The following ARHGAP26 variants were observed in gnomAD, a reference collection of about 807,000 sequenced individuals.
ARHGAP26 encodes rho GTPase-activating protein 26.
Under a neutral mutation model 104.8 loss-of-function variants are expected in ARHGAP26, and 38 were observed. The ratio of observed to expected loss-of-function variants is 0.36; its 90% CI spans 0.28 to 0.48. The LOEUF (loss-of-function observed/expected upper bound fraction) is 0.48, where lower values mean the gene tolerates loss of function less well. ARHGAP26 is among the 20% of genes least tolerant of loss of function. The probability of loss-of-function intolerance (pLI) is 0.99; values close to 1 mark genes in which losing one functional copy is unlikely to be tolerated. For synonymous variants in ARHGAP26, 341 were observed against 340.0 expected, an observed-to-expected ratio of 1.00 and a Z score of -0.03; for missense variants, 704 against 947.9, an observed-to-expected ratio of 0.74 and a Z score of 3.38.
At chr5:142,775,461 C>T (rs71587236) in intron 1 of ARHGAP26, among the ~76,000 whole-genome samples, 90 of 152,186 alleles carry the variant, frequency 5.9e-4, no homozygotes, top group Admixed American at 2.0e-3. Context: ...TTCTCTTTGT[C>T]GAGGTTTGTT....
chr5:143,044,312 C>T (rs1477029978), intron 14 of ARHGAP26, among the ~76,000 whole-genome samples: 2 of 152,096 alleles, frequency 1.3e-5, no homozygotes, highest in Non-Finnish European at 1.5e-5. Flanking sequence ...CTTCTTCTGG[C>T]TTCTCATGTT....
At chr5:143,085,526 G>A (rs891478837) in intron 17 of ARHGAP26, among the ~76,000 whole-genome samples, 7 of 152,142 alleles carry the variant, frequency 4.6e-5, no homozygotes, top group Admixed American at 2.0e-4. Context: ...AGGAGAACGC[G>A]ACAGAGGCAA....
chr5:142,938,057 A>G (rs575418176), intron 11 of ARHGAP26, among the ~76,000 whole-genome samples: 65 of 152,218 alleles, frequency 4.3e-4, no homozygotes, highest in Non-Finnish European at 5.9e-4. Context: ...ACACAGATGA[A>G]CTCATGTCAA....
intron 11 of ARHGAP26, among the ~76,000 whole-genome samples, chr5:142,982,015 A>G (rs186426787): frequency 3.3e-4 from 50 of 152,366 alleles, no homozygotes; most frequent in Admixed American, 2.1e-3. Context: ...TTTGACCTCA[A>G]GCTGCTTTTT....
At chr5:142,959,575 C>T (rs1466900871) in intron 11 of ARHGAP26, among the ~76,000 whole-genome samples, 1 of 152,224 alleles carries the variant, frequency 6.6e-6, no homozygotes, top group Non-Finnish European at 1.5e-5. Flanking sequence ...CGCCATGTTC[C>T]TCCTCTTGAG....
At chr5:142,811,935 T>C (rs946277720) in intron 1 of ARHGAP26, among the ~76,000 whole-genome samples, 1 of 152,220 alleles carries the variant, frequency 6.6e-6, no homozygotes, top group Non-Finnish European at 1.5e-5. Context: ...GAACCTCTTA[T>C]GGCTTGCAGC....
At chr5:142,812,546 C>T (rs1294992829) in intron 1 of ARHGAP26, among the ~76,000 whole-genome samples, 1 of 152,026 alleles carries the variant, frequency 6.6e-6, no homozygotes, top group African/African-American at 2.4e-5. Flanking sequence ...CCATGTTGGC[C>T]AGGCTGGTCT....
chr5:143,066,292 G>A (rs1787469910), intron 17 of ARHGAP26, among the ~76,000 whole-genome samples: 1 of 152,190 alleles, frequency 6.6e-6, no homozygotes, highest in Admixed American at 6.5e-5. Context: ...TTGTGCAAAT[G>A]CACTCTATGA....
At position 143,141,922 on chromosome 5, in the gene ARHGAP26, C is replaced by T. The variant is rs886631396; in HGVS notation, c.1838-5309C>T. ...TGTGGATCAGTGCAATCCCAGGCCA[C>T]CCACAGTGACTTCCCCATTCTCTCA... On this transcript the variant is annotated intron_variant, in intron 19 of 22. Coordinates refer to ENST00000645722, the MANE Select transcript of ARHGAP26 (RefSeq NM_001135608.3). 3.3e-5 allele frequency among the ~76,000 whole-genome samples: 5 copies of T among 152,136 alleles called. No individual in the cohort carries two copies. In the East Asian group the frequency reaches 9.6e-4, roughly 29 times the overall value.
intron 18 of ARHGAP26, among the ~76,000 whole-genome samples, chr5:143,124,193 A>G (rs1388620637): frequency 6.6e-6 from 1 of 152,212 alleles, no homozygotes; most frequent in East Asian, 1.9e-4. Context: ...AACATCTTAT[A>G]TAAGGTATTT....
intron 17 of ARHGAP26, among the ~76,000 whole-genome samples, chr5:143,095,345 G>T: frequency 6.6e-6 from 1 of 152,102 alleles, no homozygotes; most frequent in Admixed American, 6.5e-5. Flanking sequence ...ATGAAACCCT[G>T]TTCAAGATAC....
Position 142,990,269 on chromosome 5 carries a change from G to A in ARHGAP26, c.1108-23811G>A, listed in dbSNP as rs138834264. Among the ~76,000 whole-genome samples the A allele has an allele frequency of 6.9e-4, 105 of 152,260 alleles. 1 individual carries two copies. The highest frequency in any genetic ancestry group is 1.5e-3 in the South Asian group (7 of 4,818). Reference sequence around the variant, plus strand: ...ATCGGCTACTGAAGCTTGTGATTGCGTCATGTAGTTCTTGTGCCGTGGTTT... The same window carrying A: ...ATCGGCTACTGAAGCTTGTGATTGCATCATGTAGTTCTTGTGCCGTGGTTT... On this transcript the variant is annotated intron_variant, in intron 11 of 22. Transcript: ENST00000645722.
At chr5:142,976,212 A>G (rs1233569132) in intron 11 of ARHGAP26, among the ~76,000 whole-genome samples, 1 of 152,230 alleles carries the variant, frequency 6.6e-6, no homozygotes, top group African/African-American at 2.4e-5. Flanking sequence ...ATACATGGTG[A>G]TGCTTCCATA....
At chr5:143,039,414 C>A (rs929254804) in intron 13 of ARHGAP26, among the ~76,000 whole-genome samples, 5 of 152,048 alleles carry the variant, frequency 3.3e-5, no homozygotes, top group African/African-American at 1.2e-4. Flanking sequence ...CCACATTGGC[C>A]AGGCTGGTCT....
chr5:143,123,876 T>C (rs956902505), intron 18 of ARHGAP26, among the ~76,000 whole-genome samples: 5 of 152,152 alleles, frequency 3.3e-5, no homozygotes, highest in African/African-American at 9.7e-5. Context: ...ATAAAATGTT[T>C]TAGAACATAA....
intron 17 of ARHGAP26, among the ~76,000 whole-genome samples, chr5:143,069,942 A>G (rs555929496): frequency 6.6e-6 from 1 of 152,272 alleles, no homozygotes; most frequent in Admixed American, 6.5e-5. Flanking sequence ...GGGAGCTAGC[A>G]CTTCCCAAAG....
rs1387888762 is a variant in ARHGAP26, at chr5:143,214,018, A to C, written c.2121A>C (p.Lys707Asn). ...ACAGCACACCGTTCCGGAAGGCAAAAGCCTTGTATGCCTGCAAAGCTGAAC... is the reference window on the plus strand; with the variant it reads ...ACAGCACACCGTTCCGGAAGGCAAACGCCTTGTATGCCTGCAAAGCTGAAC... ...SPVSTPFRKA[K>N]ALYACKAEHD... The change falls in exon 22 of 23, where the codon AAA becomes AAC. Residue 707 changes from lysine to asparagine, a missense_variant. Physicochemically the swap from Lys to Asn is moderately conservative, Grantham distance 94. Transcript: ENST00000645722. The C allele has an allele frequency of 6.3e-7, 1 of 1,588,924 alleles. No homozygotes were observed. The highest frequency in any genetic ancestry group is 8.6e-7 in the Non-Finnish European group (1 of 1,162,946).
chr5:143,078,835 T>C (rs1789412231), intron 17 of ARHGAP26, among the ~76,000 whole-genome samples: 1 of 152,210 alleles, frequency 6.6e-6, no homozygotes, highest in Non-Finnish European at 1.5e-5. Context: ...GCATCTGAGC[T>C]CTTTGGGTTC....
chr5:142,919,509 C>A, intron 10 of ARHGAP26: 1 of 397,738 alleles, frequency 2.5e-6, no homozygotes, highest in Non-Finnish European at 4.4e-6. Flanking sequence ...ATAGGGAGGG[C>A]CTTTCTCAAT....
Sources: gnomAD v4.1 joint callset for allele counts (sites outside exome capture counted in the v4.1 genomes callset) on GRCh38, gnomAD v4.1.1 for gene constraint, MANE v1.5 for transcripts, NCBI Gene and HGNC (gene_info 2026-07-23, HGNC 2026-07-21) for gene names.